IQSEC2: variants seen among roughly 807,000 people sequenced by gnomAD.
IQSEC2 encodes IQ motif and Sec7 domain ArfGEF 2.
In IQSEC2, 6 loss-of-function variants were observed where a neutral mutation model predicts 74.6. That is an observed-to-expected ratio of 0.08 (90% CI 0.04 to 0.16). The LOEUF is 0.16. Ranked by LOEUF, IQSEC2 falls within the 10% of genes least tolerant of loss-of-function variation. The pLI is 1.00. For missense variants in IQSEC2, 734 were observed against 1,306.2 expected (o/e 0.56, Z 6.75); for synonymous variants, 494 against 544.5 (o/e 0.91, Z 1.29).
intron 2 of IQSEC2, among the ~76,000 whole-genome samples, chrX:53,291,211 C>G (rs2146422660): frequency 9.0e-6 from 1 of 111,164 alleles, no homozygotes; most frequent in South Asian, 3.8e-4. Flanking sequence ...CTGGGAAATG[C>G]ACAAAGGTCC....
chrX:53,307,885 T>TAAA (rs782356115), intron 1 of IQSEC2, among the ~76,000 whole-genome samples: 1 of 38,155 alleles, frequency 2.6e-5, no homozygotes, highest in Admixed American at 3.7e-4. Flanking sequence ...AGGCCCTGTC[T>TAAA]AAAAAAAAAA....
In IQSEC2 at chrX:53,279,600, A is replaced by C. The variant is rs782104709; in HGVS notation, c.737+12295T>G. ...CAGCCTGCCTGAGGGGGTAAGCTTC[A>C]TGGAGTCAAGGACCTGAGTAGGACA... is the stretch of plus-strand genomic sequence containing the variant. On this transcript the variant is annotated intron_variant, in intron 2 of 14. Coordinates refer to ENST00000642864, the MANE Select transcript of IQSEC2 (RefSeq NM_001111125.3). 1.7e-5 allele frequency: 21 copies of C among 1,201,652 alleles called. No homozygotes were observed. In the Admixed American group the frequency reaches 3.3e-4, roughly 19 times the overall value.
intron 8 of IQSEC2, among the ~76,000 whole-genome samples, chrX:53,245,172 G>A (rs1432389448): frequency 9.0e-6 from 1 of 110,544 alleles, no homozygotes; most frequent in Non-Finnish European, 1.9e-5. Context: ...AGGACGTGGA[G>A]GCTCACACCT....
chrX:53,286,603 C>T (rs2075028160), intron 2 of IQSEC2, among the ~76,000 whole-genome samples: 1 of 111,167 alleles, frequency 9.0e-6, no homozygotes, highest in Non-Finnish European at 1.9e-5. Context: ...CATGTCAGGC[C>T]ATGGGCAAGC....
At chrX:53,299,389 T>A (rs782541337) in intron 1 of IQSEC2, among the ~76,000 whole-genome samples, 3 of 112,150 alleles carry the variant, frequency 2.7e-5, no homozygotes, top group Non-Finnish European at 5.6e-5. Context: ...AAGGCTGTTC[T>A]TTTGTTAGAA....
Position 53,278,003 on chromosome X carries a change from C to CTTTTTTTTTTTTTTTTT in IQSEC2, c.737+13875_737+13891dup, listed in dbSNP as rs36027805. On this transcript the variant is annotated intron_variant, in intron 2 of 14. Coordinates refer to ENST00000642864, the MANE Select transcript of IQSEC2 (RefSeq NM_001111125.3). ...TCTTTTTTTCTTTTCTTTTCTTTTT[C>CTTTTTTTTTTTTTTTTT]TTTTTTTTTTTTTTTTTTTTTTTTT... is the stretch of plus-strand genomic sequence containing the variant. Among the ~76,000 whole-genome samples, 11 of 37,565 alleles carry CTTTTTTTTTTTTTTTTT rather than the reference C, an allele frequency of 2.9e-4. 1 individual carries two copies. The highest frequency in any genetic ancestry group is 9.5e-4 in the African/African-American group (8 of 8,388). The allele number at this position is 37,565 out of a possible 115,157, so 32.6% of individuals were successfully genotyped here.
intron 13 of IQSEC2, 87 bp from the exon 14 acceptor site, chrX:53,235,919 C>T: frequency 1.1e-6 from 1 of 945,540 alleles, no homozygotes; most frequent in Non-Finnish European, 1.5e-6. Context: ...CAGGACTGGG[C>T]CCCTCCCGGG....
chrX:53,296,263 G>A (rs996933963), intron 1 of IQSEC2, among the ~76,000 whole-genome samples: 2 of 111,281 alleles, frequency 1.8e-5, no homozygotes, highest in African/African-American at 3.3e-5. Flanking sequence ...TCGAACTCCC[G>A]ACCTCAGGCA....
intron 8 of IQSEC2, among the ~76,000 whole-genome samples, chrX:53,245,434 T>TAAA (rs113052977): frequency 1.1e-5 from 1 of 89,870 alleles, no homozygotes; most frequent in African/African-American, 4.2e-5. Flanking sequence ...TCTCTAAAAA[T>TAAA]AAAAAAAAAA....
In IQSEC2 at chrX:53,255,956, C is replaced by T; in HGVS notation, c.843G>A (p.Met281Ile). The T allele has an allele frequency of 8.4e-7, 1 of 1,196,384 alleles. No individual in the cohort carries two copies. The highest frequency in any genetic ancestry group is 1.1e-6 in the Non-Finnish European group (1 of 886,688). Reference sequence around the variant, plus strand: ...GGCCCACTCCAGCAGGGGGGCCCCCCATGTGGCTGCTGGAGGGGGGCAGCT... The same window carrying T: ...GGCCCACTCCAGCAGGGGGGCCCCCTATGTGGCTGCTGGAGGGGGGCAGCT... ...LSQLPPSSSH[M>I]GGPPAGVGLP... The change falls in exon 3 of 15, where the codon ATG becomes ATA. Residue 281 changes from methionine to isoleucine, a missense_variant. By Grantham distance (10) the Met-to-Ile change is conservative. Around this residue, in one of 12 missense-constraint regions of IQSEC2, gnomAD observed 54 missense variants for 62.1 expected, o/e 0.87. Coordinates refer to ENST00000642864, the MANE Select transcript of IQSEC2 (RefSeq NM_001111125.3).
chrX:53,250,704 A>T lies in IQSEC2; in HGVS notation c.1872T>A (p.Asp624Glu). ...TCAGGGTCCCATGGGGGCTGCAGCC[A>T]TCAGCCTCATACACCAGCTGGCGGT... ...SVHRQLVYEA[D>E]GCSPHGTLKH... The change falls in exon 5 of 15, where the codon GAT (aspartate) becomes GAA (glutamate). Residue 624 changes from aspartate (D) to glutamate (E), a missense_variant. By Grantham distance (45) the Asp-to-Glu change is conservative. This residue lies in a region of IQSEC2 where 204 missense variants were observed against 305.4 expected (regional missense o/e 0.67). Transcript: ENST00000642864. The T allele has an allele frequency of 8.3e-7, 1 of 1,211,419 alleles. No homozygotes were observed. Among genetic ancestry groups the T allele is most frequent in the Non-Finnish European group, 1.1e-6 (1 of 895,377 alleles).
At chrX:53,286,880 C>A (rs1414380659) in intron 2 of IQSEC2, among the ~76,000 whole-genome samples, 1 of 91,286 alleles carries the variant, frequency 1.1e-5, no homozygotes, top group African/African-American at 4.2e-5. Flanking sequence ...GTGGAGGTTG[C>A]AGTGAGCCAA....
chrX:53,296,444 G>A (rs1402825567), intron 1 of IQSEC2, among the ~76,000 whole-genome samples: 2 of 111,765 alleles, frequency 1.8e-5, no homozygotes, highest in South Asian at 3.7e-4. Context: ...GAAATCATGC[G>A]GGTCTCTCCA....
At chrX:53,255,032 G>A (rs1292894170) in intron 3 of IQSEC2, 101 bp from the exon 4 acceptor site, 1 of 857,578 alleles carries the variant, frequency 1.2e-6, no homozygotes, top group Non-Finnish European at 1.7e-6. Context: ...ATGGCTGACT[G>A]CTTACAGCCA....
intron 8 of IQSEC2, among the ~76,000 whole-genome samples, chrX:53,244,511 G>A (rs1556861638): frequency 1.1e-5 from 1 of 92,608 alleles, no homozygotes; most frequent in African/African-American, 4.6e-5. Flanking sequence ...AGGCAACAGA[G>A]CAAGACCCTG....
intron 2 of IQSEC2, among the ~76,000 whole-genome samples, chrX:53,284,137 G>T (rs2075002747): frequency 9.0e-6 from 1 of 110,822 alleles, no homozygotes; most frequent in African/African-American, 3.3e-5. Flanking sequence ...TGTGGGGTGG[G>T]GAGTATCTTT....
intron 2 of IQSEC2, chrX:53,267,158 G>T (rs1337705908): frequency 1.9e-6 from 2 of 1,070,127 alleles, no homozygotes; most frequent in Non-Finnish European, 2.4e-6. Context: ...ATACGCGAAG[G>T]GCCAGGACCG....
Position 53,234,825 on chromosome X carries a change from C to A in IQSEC2, c.3861G>T (p.Gln1287His). 1.1e-6 allele frequency: 1 copy of A among 924,874 alleles called. No individual in the cohort carries two copies. Among genetic ancestry groups the A allele is most frequent in the South Asian group, 2.3e-5 (1 of 43,875 alleles). 76.2% of individuals were successfully genotyped at this position (924,874 alleles called of 1,213,427 possible). Residue 1287 changes from glutamine to histidine, a missense_variant, in exon 15 of 15, where the codon CAG becomes CAT. Coordinates refer to ENST00000642864, the MANE Select transcript of IQSEC2 (RefSeq NM_001111125.3). Reference protein sequence around the residue: ...PAPPPYLPPQQPSLPPPPQQP... With the variant: ...PAPPPYLPPQHPSLPPPPQQP... ...GCTGGGGAGGTGGGGGAAGAGAGGG[C>A]TGCTGGGGTGGGAGGTAGGGTGGCG...
At chrX:53,266,905 G>A in intron 2 of IQSEC2, 4 of 766,422 alleles carry the variant, frequency 5.2e-6, no homozygotes, top group East Asian at 9.8e-5. Flanking sequence ...GTGGGTGGGG[G>A]GAAGGAGGGG....
Sources: allele counts gnomAD v4.1 joint callset (sites outside exome capture counted in the v4.1 genomes callset), GRCh38; gene constraint gnomAD v4.1.1; regional missense constraint gnomAD v4.1.1; transcripts MANE v1.5; gene names NCBI Gene and HGNC (gene_info 2026-07-23, HGNC 2026-07-21).